Variants in TNXB observed in about 807,000 individuals in gnomAD.
TNXB encodes the protein tenascin XB.
TNXB carries 183 observed loss-of-function variants against 340.5 expected under a neutral mutation model. The observed-to-expected ratio is 0.54, with a 90% CI of 0.48 to 0.61. The LOEUF is 0.61. Ranked by LOEUF, TNXB falls within the 20% of genes least tolerant of loss-of-function variation. The probability of loss-of-function intolerance (pLI) is 0.00; values close to 1 mark genes in which losing one functional copy is unlikely to be tolerated. For synonymous variants in TNXB, 2,121 were observed against 2,314.5 expected (o/e 0.92, Z 2.40); for missense variants, 4,613 against 5,446.4 (o/e 0.85, Z 4.82).
At position 32,095,594 on chromosome 6, in the gene TNXB, G is replaced by A; in HGVS notation, c.2242+17C>T. 6.2e-7 allele frequency: 1 copy of A among 1,601,820 alleles called. No homozygotes were observed. Among genetic ancestry groups the A allele is most frequent in the East Asian group, 2.2e-5 (1 of 44,668 alleles). On this transcript the variant is annotated intron_variant, in intron 3 of 43. Transcript: ENST00000644971. The stretch of plus-strand genomic sequence containing the variant: ...AATCACAGTCCCAGAGTACACTGGG[G>A]AAGGCTGCCTGCTCACCTTCTCCGC...
At chr6:32,048,945 A>G (rs1281461307) in intron 28 of TNXB, among the ~76,000 whole-genome samples, 2 of 152,210 alleles carry the variant, frequency 1.3e-5, no homozygotes, top group African/African-American at 4.8e-5. Context: ...GCACATGCAG[A>G]TCTGGGCAGC....
Position 32,097,247 on chromosome 6 carries a change from G to C in TNXB, c.606C>G (p.Cys202Trp), listed in dbSNP as rs757676729. The change falls in exon 3 of 44, where the codon TGC becomes TGG. Residue 202 changes from cysteine (C) to tryptophan (W), a missense_variant. This residue lies in a region of TNXB where 4,327 missense variants were observed against 4,859.4 expected (regional missense o/e 0.89). Transcript: ENST00000644971. The surrounding 1 kb of genome is among the most constrained non-coding windows in gnomAD (Gnocchi z 5.9). ...NDQGRCVRGR[C>W]VCFPGYTGPS... ...GGCCAGTGTAGCCGGGAAAGCACACGCAACGACCACGGACACAGCGACCCT... is the reference window on the plus strand; with the variant it reads ...GGCCAGTGTAGCCGGGAAAGCACACCCAACGACCACGGACACAGCGACCCT... 2 of 1,609,138 alleles carry C rather than the reference G, an allele frequency of 1.2e-6. No individual in the cohort carries two copies. The highest frequency in any genetic ancestry group is 1.7e-6 in the Non-Finnish European group (2 of 1,177,870).
Position 32,062,260 on chromosome 6 carries a change from C to G in TNXB, c.7065G>C (p.Arg2355Ser). ...CTGGCTCCAGGCCGGAGATGGTGAC[C>G]CTGTCCTCATGTCCTGGCACCCGTG... ...KATRVPGHED[R>S]VTISGLEPDN... Residue 2355 changes from arginine to serine, a missense_variant, in exon 20 of 44, where the codon AGG becomes AGC. Physicochemically the swap from Arg to Ser is moderately radical, Grantham distance 110. Coordinates refer to ENST00000644971, the MANE Select transcript of TNXB (RefSeq NM_001365276.2). This position sits in a 1 kb window ranked among gnomAD's most constrained non-coding sequence, Gnocchi z 4.3. 6.2e-7 allele frequency: 1 copy of G among 1,613,328 alleles called. No individual in the cohort carries two copies. Among genetic ancestry groups the G allele is most frequent in the Non-Finnish European group, 8.5e-7 (1 of 1,179,864 alleles).
intron 33 of TNXB, 82 bp from the exon 34 acceptor site, chr6:32,044,211 G>C: frequency 8.2e-7 from 1 of 1,213,226 alleles, no homozygotes; most frequent in South Asian, 1.4e-5. Context: ...CTCTGCTCCA[G>C]CACAGGCTCA....
At position 32,073,534 on chromosome 6, in the gene TNXB, A is replaced by T; in HGVS notation, c.4681+113T>A. On this transcript the variant is annotated intron_variant, in intron 12 of 43. Transcript: ENST00000644971. The surrounding 1 kb of genome is among the most constrained non-coding windows in gnomAD (Gnocchi z 4.6). ...GGTCACCGAGCCAGGGCCTGAGGGG[A>T]TCTAGCCCCTCAGTGAGGGTGCGGT... 1.2e-5 allele frequency: 11 copies of T among 917,460 alleles called. No homozygotes were observed. Among genetic ancestry groups the T allele is most frequent in the Non-Finnish European group, 1.8e-5 (11 of 610,524 alleles). The allele number at this position is 917,460 out of a possible 1,614,324, so 56.8% of individuals were successfully genotyped here.
chr6:32,082,356 G>A lies in TNXB; in HGVS notation c.3446-30C>T. The A allele has an allele frequency of 6.4e-7, 1 of 1,559,356 alleles. No individual in the cohort carries two copies. Among genetic ancestry groups the A allele is most frequent in the South Asian group, 1.2e-5 (1 of 83,334 alleles). ...GAAGAGTGGGTAGAGAGAAGGGAGA[G>A]ACTTAGGTCCAAGGAGAATGGGGAA... On this transcript the variant is annotated intron_variant, in intron 8 of 43. Transcript: ENST00000644971. The surrounding 1 kb of genome is among the most constrained non-coding windows in gnomAD (Gnocchi z 5.0).
chr6:32,049,909 C>A lies in TNXB; in HGVS notation c.9439+89G>T. On this transcript the variant is annotated intron_variant, in intron 27 of 43. Transcript: ENST00000644971. This position sits in a 1 kb window ranked among gnomAD's most constrained non-coding sequence, Gnocchi z 4.5. ...AAGCAGTTCTGTGGTGCTGACCAGACCCCTGTCCCATTCCCCACCAGTCAT... is the reference window on the plus strand; with the variant it reads ...AAGCAGTTCTGTGGTGCTGACCAGAACCCTGTCCCATTCCCCACCAGTCAT... 2 of 1,584,278 alleles carry A rather than the reference C, an allele frequency of 1.3e-6. No homozygotes were observed. Among genetic ancestry groups the A allele is most frequent in the South Asian group, 1.1e-5 (1 of 87,478 alleles).
chr6:32,068,826 C>G lies in TNXB; in HGVS notation c.5898G>C (p.Leu1966=), dbSNP rs1778567908. 6.2e-7 allele frequency: 1 copy of G among 1,604,286 alleles called. No individual in the cohort carries two copies. The highest frequency in any genetic ancestry group is 1.1e-5 in the South Asian group (1 of 90,256). The change falls in exon 16 of 44, where the codon CTG becomes CTC. Residue 1966 remains leucine (L), a synonymous_variant. Transcript: ENST00000644971. The surrounding 1 kb of genome is among the most constrained non-coding windows in gnomAD (Gnocchi z 5.3). The stretch of plus-strand genomic sequence containing the variant: ...CATAGTGGGCAGAGTTCTCACCTGT[C>G]AGGGCCTCGACATGGACAGGACCTA... ...KHVGPVHVEA[L]TVPEEEKPSE...
Position 32,096,067 on chromosome 6 carries a change from G to A in TNXB, c.1786C>T (p.Gln596Ter), listed in dbSNP as rs1275345689. 1 of 1,612,856 alleles carries A rather than the reference G, an allele frequency of 6.2e-7. No individual in the cohort carries two copies. Among genetic ancestry groups the A allele is most frequent in the Non-Finnish European group, 8.5e-7 (1 of 1,179,696 alleles). Residue 596 changes from glutamine (Q) to a stop codon, truncating the protein, a stop_gained, in exon 3 of 44, where the codon CAG becomes TAG. Coordinates refer to ENST00000644971, the MANE Select transcript of TNXB (RefSeq NM_001365276.2). LOFTEE classifies it high-confidence loss of function. The stretch of plus-strand genomic sequence containing the variant: ...ACACCGTCCTGGCACACGCCGTGCT[G>A]GCTGCAGTCATTCGGGCACTGCCTC... Reference protein sequence around the residue: ...GVRQCPNDCSQHGVCQDGVCI... With the variant: ...GVRQCPNDCS
Position 32,067,630 on chromosome 6 carries a change from C to G in TNXB, c.6544+31G>C. ...CTGGAGGCTGTACTTTGCTAAGACC[C>G]AACCCAGAGGGCTCTGCAGTGCACA... On this transcript the variant is annotated intron_variant, in intron 18 of 43. Transcript: ENST00000644971. This position sits in a 1 kb window ranked among gnomAD's most constrained non-coding sequence, Gnocchi z 4.2. The G allele has an allele frequency of 1.9e-6, 3 of 1,600,158 alleles. No homozygotes were observed. The South Asian group carries it at 3.3e-5, about 18-fold the overall frequency.
chr6:32,077,551 A>G (rs1362535727), intron 11 of TNXB, among the ~76,000 whole-genome samples: 2 of 152,254 alleles, frequency 1.3e-5, no homozygotes, highest in African/African-American at 2.4e-5. Context: ...TAAACCGGGC[A>G]GGTCAGCCCG....
Position 32,083,608 on chromosome 6 carries a change from C to T in TNXB, c.3445+805G>A, listed in dbSNP as rs781771564. Among the ~76,000 whole-genome samples, 3 of 152,296 alleles carry T rather than the reference C, an allele frequency of 2.0e-5. No individual in the cohort carries two copies. The South Asian group carries it at 6.2e-4, about 32-fold the overall frequency. ...ACACCTTGCTTTCCTTCGCCTCCCC[C>T]ATCCAGCCCCACTGCCACCATCCCA... On this transcript the variant is annotated intron_variant, in intron 8 of 43. Coordinates refer to ENST00000644971, the MANE Select transcript of TNXB (RefSeq NM_001365276.2). The surrounding 1 kb of genome is among the most constrained non-coding windows in gnomAD (Gnocchi z 4.6).
rs1780323233 is a variant in TNXB, at chr6:32,096,039, C to T, written c.1814G>A (p.Cys605Tyr). 1.2e-6 allele frequency: 2 copies of T among 1,613,108 alleles called. No individual in the cohort carries two copies. Among genetic ancestry groups the T allele is most frequent in the Admixed American group, 1.7e-5 (1 of 59,996 alleles). The change falls in exon 3 of 44, where the codon TGC (cysteine) becomes TAC (tyrosine). Residue 605 changes from cysteine to tyrosine, a missense_variant. Physicochemically the swap from Cys to Tyr is radical, Grantham distance 194. Around this residue, in one of 7 missense-constraint regions of TNXB, gnomAD observed 4,327 missense variants for 4,859.4 expected, o/e 0.89. Coordinates refer to ENST00000644971, the MANE Select transcript of TNXB (RefSeq NM_001365276.2). ...ACTCACGTAGCCTTCCCAACAGATG[C>T]ACACACCGTCCTGGCACACGCCGTG... Reference protein sequence around the residue: ...SQHGVCQDGVCICWEGYVSED... With the variant: ...SQHGVCQDGVYICWEGYVSED...
In TNXB at chr6:32,089,164, T is replaced by C; in HGVS notation, c.2515+59A>G. On this transcript the variant is annotated intron_variant, in intron 5 of 43. Coordinates refer to ENST00000644971, the MANE Select transcript of TNXB (RefSeq NM_001365276.2). This position sits in a 1 kb window ranked among gnomAD's most constrained non-coding sequence, Gnocchi z 6.2. ...TCCTTCTGCCCTCCCGGAGGGCAGA[T>C]TCCCTCTCTAGTCCAGATCTCCACT... The C allele has an allele frequency of 6.4e-7, 1 of 1,564,568 alleles. No individual in the cohort carries two copies. Among genetic ancestry groups the C allele is most frequent in the Non-Finnish European group, 8.7e-7 (1 of 1,154,072 alleles).
chr6:32,056,236 G>C, intron 23 of TNXB, 62 bp from the exon 24 acceptor site: 1 of 1,549,362 alleles, frequency 6.5e-7, no homozygotes, highest in East Asian at 2.3e-5. Context: ...GGTCTTCAAG[G>C]GAAGGAGGGA....
At position 32,047,320 on chromosome 6, in the gene TNXB, C is replaced by G. The variant is rs1291671706; in HGVS notation, c.10324+414G>C. ...GGTTTTTCCATCGTCTTTCCATAGCCAAGCCCTCCCTTTTCTTCCACCCCT... is the reference window on the plus strand; with the variant it reads ...GGTTTTTCCATCGTCTTTCCATAGCGAAGCCCTCCCTTTTCTTCCACCCCT... On this transcript the variant is annotated intron_variant, in intron 30 of 43. Coordinates refer to ENST00000644971, the MANE Select transcript of TNXB (RefSeq NM_001365276.2). This position sits in a 1 kb window ranked among gnomAD's most constrained non-coding sequence, Gnocchi z 6.2. Among the ~76,000 whole-genome samples the G allele has an allele frequency of 6.6e-6, 1 of 152,228 alleles. No individual in the cohort carries two copies. The highest frequency in any genetic ancestry group is 2.4e-5 in the African/African-American group (1 of 41,454).
Position 32,064,010 on chromosome 6 carries a change from A to C in TNXB, c.6841+811T>G, listed in dbSNP as rs1018254130. ...AGAACACATACAATTTTTCCCACTG[A>C]AATCAGTGATAATTATGAGAATTTG... On this transcript the variant is annotated intron_variant, in intron 19 of 43. Transcript: ENST00000644971. The surrounding 1 kb of genome is among the most constrained non-coding windows in gnomAD (Gnocchi z 5.3). Among the ~76,000 whole-genome samples, 2 of 152,192 alleles carry C rather than the reference A, an allele frequency of 1.3e-5. No individual in the cohort carries two copies. Among genetic ancestry groups the C allele is most frequent in the African/African-American group, 4.8e-5 (2 of 41,424 alleles).
chr6:32,048,564 A>G lies in TNXB; in HGVS notation c.9844T>C (p.Trp3282Arg). 1.3e-6 allele frequency: 2 copies of G among 1,569,298 alleles called. No homozygotes were observed. The highest frequency in any genetic ancestry group is 2.3e-5 in the East Asian group (1 of 44,046). The change falls in exon 29 of 44, where the codon TGG becomes CGG. Residue 3282 changes from tryptophan (W) to arginine (R), a missense_variant. By Grantham distance (101) the Trp-to-Arg change is moderately radical (BLOSUM62 -3). Transcript: ENST00000644971. ...TCAAAGGGGCCCTGGGCCACCGTCC[A>G]TGAGAGGCCCACTGAGTCCGAGGTC... ...AVTSDSVGLS[W>R]TVAQGPFDSF...
At chr6:32,059,279 C>T (rs1198346188) in intron 21 of TNXB, among the ~76,000 whole-genome samples, 2 of 151,050 alleles carry the variant, frequency 1.3e-5, no homozygotes, top group African/African-American at 4.9e-5. Flanking sequence ...ATTAGCCAGG[C>T]GTGGTGGCAT....
Sources: allele counts gnomAD v4.1 joint callset (sites outside exome capture counted in the v4.1 genomes callset), GRCh38; gene constraint gnomAD v4.1.1; regional missense constraint gnomAD v4.1.1; non-coding constraint Gnocchi (gnomAD v3.1); transcripts MANE v1.5; gene names NCBI Gene and HGNC (gene_info 2026-07-23, HGNC 2026-07-21).